Variants in ERAP1 observed in about 807,000 individuals in gnomAD.
ERAP1 encodes the protein adipocyte-derived leucine aminopeptidase.
Under a neutral mutation model 103.7 loss-of-function variants are expected in ERAP1, and 86 were observed. That is an observed-to-expected ratio of 0.83 (90% CI 0.70 to 0.99). The LOEUF (loss-of-function observed/expected upper bound fraction) is 0.99. ERAP1 is among the 50% of genes least tolerant of loss of function. The pLI is 0.00. For missense variants in ERAP1, 1,009 were observed against 1,128.4 expected (o/e 0.89, Z 1.52); for synonymous variants, 398 against 402.4 (o/e 0.99, Z 0.13).
chr5:96,774,694 G>A lies in ERAP1; in HGVS notation c.*1702C>T, dbSNP rs1310263174. Reference sequence around the variant, plus strand: ...TATTTTACATTAAAATCTTGGTTGTGTATTTTTTTAAAAGAAGGGAAATAG... The same window carrying A: ...TATTTTACATTAAAATCTTGGTTGTATATTTTTTTAAAAGAAGGGAAATAG... On this transcript the variant is annotated 3_prime_UTR_variant, in exon 19 of 19. Coordinates refer to ENST00000443439, the MANE Select transcript of ERAP1 (RefSeq NM_001040458.3). The A allele has an allele frequency of 4.1e-6, 4 of 980,492 alleles. No homozygotes were observed. Among genetic ancestry groups the A allele is most frequent in the Non-Finnish European group, 4.8e-6 (4 of 825,560 alleles). 60.7% of individuals were successfully genotyped at this position (980,492 alleles called of 1,614,324 possible).
At chr5:96,921,438 G>T in the ERAP1 span, among the ~76,000 whole-genome samples, 2 of 152,156 alleles carry the variant, frequency 1.3e-5, no homozygotes, top group South Asian at 4.1e-4. Flanking sequence ...TAGAAAGCTG[G>T]CAGTATAAAC....
the ERAP1 span, among the ~76,000 whole-genome samples, chr5:96,830,052 C>G: frequency 6.6e-6 from 1 of 152,184 alleles, no homozygotes; most frequent in Admixed American, 6.5e-5. Flanking sequence ...TTCAGGATCA[C>G]TTTGAAAGAC....
downstream of ERAP1, chr5:96,774,082 A>G (rs1050871634): frequency 1.2e-4 from 19 of 152,894 alleles, no homozygotes; most frequent in African/African-American, 4.1e-4. Context: ...CAGCAACAAG[A>G]AAAGAAAAAA....
the ERAP1 span, chr5:96,915,926 T>G: frequency 3.7e-6 from 2 of 540,586 alleles, no homozygotes; most frequent in Non-Finnish European, 6.3e-6. Flanking sequence ...GGGACAGGAT[T>G]AAAACCTGAC....
intron 14 of ERAP1, among the ~76,000 whole-genome samples, chr5:96,783,587 T>C (rs1241153168): frequency 6.6e-6 from 1 of 152,192 alleles, no homozygotes; most frequent in Non-Finnish European, 1.5e-5. Flanking sequence ...TTTGTGCCTC[T>C]TCCTCAAGTA....
exon 20 of ERAP1, chr5:96,762,360 C>A: frequency 6.3e-7 from 1 of 1,596,698 alleles, no homozygotes. Context: ...GAGCCCCACC[C>A]CGTGATACCT....
At chr5:96,813,728 T>C in the ERAP1 span, among the ~76,000 whole-genome samples, 4 of 147,590 alleles carry the variant, frequency 2.7e-5, no homozygotes, top group African/African-American at 1.0e-4. Context: ...GATAAACACC[T>C]TACCTTACTT....
At chr5:96,909,814 A>G in the ERAP1 span, 815,661 of 1,573,362 alleles carry the variant, frequency 0.52, 212,682 homozygotes, top group Admixed American at 0.61. Context: ...TTTGATGTAA[A>G]AGTCTTTGAT....
At chr5:96,884,158 C>A in the ERAP1 span, among the ~76,000 whole-genome samples, 6 of 151,312 alleles carry the variant, frequency 4.0e-5, no homozygotes, top group African/African-American at 1.2e-4. Context: ...TTTTTTTTCC[C>A]AAGCAAAGTG....
In ERAP1 at chr5:96,774,506, T is replaced by TATTA. The variant is rs1249033564; in HGVS notation, c.*1886_*1889dup. Reference sequence around the variant, plus strand: ...CACTTAGAGGCAAAGAACAATTTTTTATTATCAAAAAGGTTTCTGCACATT... The same window carrying TATTA: ...CACTTAGAGGCAAAGAACAATTTTTTATTAATTATCAAAAAGGTTTCTGCACATT... On this transcript the variant is annotated 3_prime_UTR_variant, in exon 19 of 19. Transcript: ENST00000443439. 2.0e-6 allele frequency: 2 copies of TATTA among 984,300 alleles called. No individual in the cohort carries two copies. The highest frequency in any genetic ancestry group is 2.4e-6 in the Non-Finnish European group (2 of 827,602). 61.0% of individuals were successfully genotyped at this position (984,300 alleles called of 1,614,324 possible).
chr5:96,767,911 C>T, intron 19 of ERAP1: 2 of 1,610,358 alleles, frequency 1.2e-6, no homozygotes, highest in South Asian at 2.2e-5. Flanking sequence ...TCTCAGAAAC[C>T]TGCAGATGAC....
chr5:96,823,827 A>G, the ERAP1 span, among the ~76,000 whole-genome samples: 2 of 152,250 alleles, frequency 1.3e-5, no homozygotes, highest in Admixed American at 1.3e-4. Flanking sequence ...TTCACTTAAA[A>G]GAAGTACTTT....
the ERAP1 span, among the ~76,000 whole-genome samples, chr5:96,836,168 C>A: frequency 1.4e-5 from 2 of 142,884 alleles, no homozygotes; most frequent in African/African-American, 5.1e-5. Context: ...GGATTTTCCA[C>A]CTCTTTGGTT....
chr5:96,832,010 G>C, the ERAP1 span, among the ~76,000 whole-genome samples: 1 of 152,200 alleles, frequency 6.6e-6, no homozygotes, highest in Admixed American at 6.5e-5. Context: ...TGAATAATGA[G>C]AGAAAATTAT....
the ERAP1 span, among the ~76,000 whole-genome samples, chr5:96,886,425 C>A: frequency 6.6e-6 from 1 of 152,118 alleles, no homozygotes; most frequent in Admixed American, 6.5e-5. Context: ...CATTTTTGTG[C>A]TTTGGGGATC....
At chr5:96,912,689 G>A in the ERAP1 span, 2 of 1,610,742 alleles carry the variant, frequency 1.2e-6, no homozygotes, top group South Asian at 1.1e-5. Context: ...TCAGACAACA[G>A]CAGGATGGAA....
chr5:96,858,451 C>A, the ERAP1 span, among the ~76,000 whole-genome samples: 1 of 152,102 alleles, frequency 6.6e-6, no homozygotes, highest in Non-Finnish European at 1.5e-5. Context: ...CCTGCCTTGG[C>A]CTCCCAAAGT....
chr5:96,883,981 G>T, the ERAP1 span: 1 of 1,502,632 alleles, frequency 6.7e-7, no homozygotes, highest in Admixed American at 2.4e-5. Context: ...TTGAGACTCA[G>T]TCTTCGTTTG....
the ERAP1 span, chr5:96,909,106 G>A: frequency 6.2e-7 from 1 of 1,614,032 alleles, no homozygotes; most frequent in East Asian, 2.2e-5. Context: ...AGATATCTCT[G>A]AAAACCTCAA....
Sources: gnomAD v4.1 joint callset for allele counts (sites outside exome capture counted in the v4.1 genomes callset) on GRCh38, gnomAD v4.1.1 for gene constraint, MANE v1.5 for transcripts, NCBI Gene and HGNC (gene_info 2026-07-23, HGNC 2026-07-21) for gene names.